PRKCSH: variants seen among roughly 807,000 people sequenced by gnomAD.
The protein encoded by PRKCSH is PRKCSH beta subunit of glucosidase II, also known as glucosidase 2 subunit beta.
PRKCSH carries 42 observed loss-of-function variants against 79.7 expected under a neutral mutation model. The ratio of observed to expected loss-of-function variants is 0.53; its 90% CI spans 0.41 to 0.68. The LOEUF (loss-of-function observed/expected upper bound fraction) is 0.68. Among genes scored for constraint, PRKCSH ranks in the 30% least tolerant of loss-of-function variants. The probability of loss-of-function intolerance (pLI) is 0.00; values close to 1 mark genes in which losing one functional copy is unlikely to be tolerated. For synonymous variants in PRKCSH, 325 were observed against 288.2 expected (o/e 1.13, Z -1.29); for missense variants, 686 against 709.0 (o/e 0.97, Z 0.37).
At position 11,448,684 on chromosome 19, in the gene PRKCSH, C is replaced by G. The variant is rs1467383093; in HGVS notation, c.1286+55C>G. 2 of 1,534,116 alleles carry G rather than the reference C, an allele frequency of 1.3e-6. No individual in the cohort carries two copies. The highest frequency in any genetic ancestry group is 1.8e-6 in the Non-Finnish European group (2 of 1,108,072). ...TGGCAGGGTGGGAGGCGGGTGGCCC[C>G]GGAAGTGGCACCGGCAGTTTCCTGA... On this transcript the variant is annotated intron_variant, in intron 14 of 17. Transcript: ENST00000677123. The surrounding 1 kb of genome is among the most constrained non-coding windows in gnomAD (Gnocchi z 4.4).
chr19:11,447,437 A>G lies in PRKCSH; in HGVS notation c.850-2A>G, dbSNP rs1970363281. ...ACACCGACCGCACTGCTCACCCGCC[A>G]GGCACTGCCCACCGACCTTCCAGCA... On this transcript the variant is annotated splice_acceptor_variant, in intron 10 of 17. Transcript: ENST00000677123. LOFTEE classifies it high-confidence loss of function. This position sits in a 1 kb window ranked among gnomAD's most constrained non-coding sequence, Gnocchi z 5.6. 6.2e-7 allele frequency: 1 copy of G among 1,613,858 alleles called. No individual in the cohort carries two copies.
In PRKCSH at chr19:11,448,301, G is replaced by T; in HGVS notation, c.1196+10G>T. ...TGGAGGAGTCCATCAGGTAGCGGGG[G>T]CTGAGGAGCGGGGACACCTGTCCCA... is the stretch of plus-strand genomic sequence containing the variant. On this transcript the variant is annotated intron_variant, in intron 13 of 17. Coordinates refer to ENST00000677123, the MANE Select transcript of PRKCSH (RefSeq NM_001289104.2). The surrounding 1 kb of genome is among the most constrained non-coding windows in gnomAD (Gnocchi z 4.4). 1 of 1,570,070 alleles carries T rather than the reference G, an allele frequency of 6.4e-7. No homozygotes were observed. The highest frequency in any genetic ancestry group is 1.2e-5 in the South Asian group (1 of 85,608).
chr19:11,442,651 A>G lies in PRKCSH; in HGVS notation c.598+136A>G. 3 of 1,382,312 alleles carry G rather than the reference A, an allele frequency of 2.2e-6. No homozygotes were observed. In the South Asian group the frequency reaches 3.8e-5, roughly 17 times the overall value. 85.6% of individuals were successfully genotyped at this position (1,382,312 alleles called of 1,614,324 possible). A position where few individuals can be genotyped will look rare whatever the true frequency, so the allele number is the denominator to read the frequency against. ...GCTGCCCATCGCCTTGTGTGCTTTG[A>G]GGTTCGCTTGGATTGTGGCATATGT... On this transcript the variant is annotated intron_variant, in intron 7 of 17. Coordinates refer to ENST00000677123, the MANE Select transcript of PRKCSH (RefSeq NM_001289104.2).
rs1970252664 is a variant in PRKCSH at position 11,445,485 on chromosome 19, C to T, written c.683+12C>T. ...GACATGGACGGGACGTGAGTGTCCC[C>T]TAGTTGGAGCTGCCCACCTTTCCGT... On this transcript the variant is annotated intron_variant, in intron 8 of 17. Coordinates refer to ENST00000677123, the MANE Select transcript of PRKCSH (RefSeq NM_001289104.2). 6.2e-7 allele frequency: 1 copy of T among 1,612,982 alleles called. No homozygotes were observed. The highest frequency in any genetic ancestry group is 1.1e-5 in the South Asian group (1 of 91,050).
Position 11,437,972 on chromosome 19 carries a change from G to GT in PRKCSH, c.292+2dup, listed in dbSNP as rs1166772003. 6.2e-7 allele frequency: 1 copy of GT among 1,613,962 alleles called. No homozygotes were observed. Among genetic ancestry groups the GT allele is most frequent in the African/African-American group, 1.3e-5 (1 of 74,920 alleles). On this transcript the variant is annotated splice_donor_variant, in intron 4 of 17. Coordinates refer to ENST00000677123, the MANE Select transcript of PRKCSH (RefSeq NM_001289104.2). LOFTEE classifies it high-confidence loss of function. ...AACCGGGTCAACGATGGTGTTTGTG[G>GT]TAAGTGAAGATGCACCAGGATTCTG...
chr19:11,448,149 C>T lies in PRKCSH; in HGVS notation c.1127-73C>T. The stretch of plus-strand genomic sequence containing the variant: ...ATGAGGGTATGGGAGCACACAGCCA[C>T]ATCCATGGAACCCCGTTCCCCATCC... On this transcript the variant is annotated intron_variant, in intron 12 of 17. Transcript: ENST00000677123. This position sits in a 1 kb window ranked among gnomAD's most constrained non-coding sequence, Gnocchi z 4.4. The T allele has an allele frequency of 6.9e-7, 1 of 1,449,692 alleles. No homozygotes were observed. The highest frequency in any genetic ancestry group is 9.5e-7 in the Non-Finnish European group (1 of 1,055,242). 89.8% of individuals were successfully genotyped at this position (1,449,692 alleles called of 1,614,324 possible).
Position 11,442,491 on chromosome 19 carries a change from G to T in PRKCSH, c.574G>T (p.Glu192Ter). 1.2e-6 allele frequency: 2 copies of T among 1,611,780 alleles called. No homozygotes were observed. The highest frequency in any genetic ancestry group is 2.2e-5 in the South Asian group (2 of 90,762). Residue 192 changes from glutamate to a stop codon, truncating the protein, a stop_gained, in exon 7 of 18, where the codon GAG becomes TAG. Coordinates refer to ENST00000677123, the MANE Select transcript of PRKCSH (RefSeq NM_001289104.2). LOFTEE classifies it high-confidence loss of function. The stretch of plus-strand genomic sequence containing the variant: ...TGAGAAGCCAGAGAGAGAGGCCAAA[G>T]AGCAGCACCAGAAGCTGTGGGAAGG... ...EAEKPEREAK[E>*]QHQKLWEEQL... is the part of the protein sequence containing the mutation.
At chr19:11,446,371 G>A (rs1326102762) in intron 9 of PRKCSH, 21 bp downstream of exon 9, 2 of 1,608,658 alleles carry the variant, frequency 1.2e-6, no homozygotes, top group African/African-American at 1.3e-5. Flanking sequence ...CTGCCCCTTG[G>A]TTGGGGACTT....
At position 11,441,232 on chromosome 19, in the gene PRKCSH, C is replaced by T; in HGVS notation, c.351-8C>T. 6.2e-7 allele frequency: 1 copy of T among 1,613,762 alleles called. No homozygotes were observed. Among genetic ancestry groups the T allele is most frequent in the Non-Finnish European group, 8.5e-7 (1 of 1,179,736 alleles). On this transcript the variant is annotated splice_region_variant and splice_polypyrimidine_tract_variant and intron_variant, in intron 5 of 17. Transcript: ENST00000677123. Reference sequence around the variant, plus strand: ...CACTGGTGGTGCCTGTGTGTCTCCGCACCGCAGAGAGAAGGGCCGTAAGGA... The same window carrying T: ...CACTGGTGGTGCCTGTGTGTCTCCGTACCGCAGAGAGAAGGGCCGTAAGGA...
intron 8 of PRKCSH, chr19:11,445,898 G>GC (rs1970273672): frequency 4.4e-6 from 2 of 451,638 alleles, no homozygotes; most frequent in African/African-American, 4.0e-5. Flanking sequence ...GTGCCAAGGA[G>GC]CAGGGGGCTT....
At chr19:11,442,996 G>A (rs1006082227) in intron 7 of PRKCSH, among the ~76,000 whole-genome samples, 2 of 151,606 alleles carry the variant, frequency 1.3e-5, no homozygotes, top group South Asian at 4.2e-4. Context: ...GAGCCACCTC[G>A]CCCGGCCGCC....
intron 9 of PRKCSH, among the ~76,000 whole-genome samples, chr19:11,446,742 C>T (rs1970323221): frequency 6.6e-6 from 1 of 152,094 alleles, no homozygotes; most frequent in African/African-American, 2.4e-5. Flanking sequence ...CCCTCTCCAT[C>T]TGCAGCCTGG....
chr19:11,439,402 C>T (rs1363778751), intron 5 of PRKCSH, among the ~76,000 whole-genome samples: 2 of 147,920 alleles, frequency 1.4e-5, no homozygotes, highest in East Asian at 2.0e-4. Flanking sequence ...GATACCCTAT[C>T]TCTATAAAAA....
chr19:11,435,931 G>T, intron 1 of PRKCSH, 110 bp from the exon 2 acceptor site: 1 of 940,554 alleles, frequency 1.1e-6, no homozygotes, highest in Non-Finnish European at 1.6e-6. Context: ...GCTGCCCCTC[G>T]CCCCCATATC....
In PRKCSH at chr19:11,449,722, A is replaced by G. The variant is rs1377896211; in HGVS notation, c.*16+294A>G. 1 of 418,502 alleles carries G rather than the reference A, an allele frequency of 2.4e-6. No individual in the cohort carries two copies. The highest frequency in any genetic ancestry group is 4.5e-6 in the Non-Finnish European group (1 of 223,166). 25.9% of individuals were successfully genotyped at this position (418,502 alleles called of 1,614,324 possible). A position where few individuals can be genotyped will look rare whatever the true frequency, so the allele number is the denominator to read the frequency against. The stretch of plus-strand genomic sequence containing the variant: ...CATGCCTGGCTAATTTTTAGTAGAG[A>G]TGGGGTTTCACCATGTTGGCCTGGA... On this transcript the variant is annotated intron_variant, in intron 17 of 17. Transcript: ENST00000677123. The surrounding 1 kb of genome is among the most constrained non-coding windows in gnomAD (Gnocchi z 6.4).
chr19:11,445,218 G>T (rs1380218936), intron 7 of PRKCSH, among the ~76,000 whole-genome samples, 171 bp from the exon 8 acceptor site: 3 of 152,156 alleles, frequency 2.0e-5, no homozygotes, highest in Non-Finnish European at 4.4e-5. Context: ...CTCTTCGTCT[G>T]TTCTCCCCTG....
chr19:11,446,972 G>A, intron 9 of PRKCSH, 102 bp from the exon 10 acceptor site: 3 of 1,285,912 alleles, frequency 2.3e-6, no homozygotes, highest in East Asian at 2.3e-5. Flanking sequence ...AGGGCCCGGG[G>A]CCCAGCCCTC....
At chr19:11,443,230 T>A (rs1168289920) in intron 7 of PRKCSH, among the ~76,000 whole-genome samples, 1 of 150,328 alleles carries the variant, frequency 6.7e-6, no homozygotes, top group Non-Finnish European at 1.5e-5. Flanking sequence ...CTGGCCAACA[T>A]GGTGAAACGC....
rs1311517073 is a variant in PRKCSH at position 11,449,009 on chromosome 19, C to T, written c.1361+21C>T. 3 of 1,613,338 alleles carry T rather than the reference C, an allele frequency of 1.9e-6. No homozygotes were observed. Among genetic ancestry groups the T allele is most frequent in the Admixed American group, 1.7e-5 (1 of 60,028 alleles). Reference sequence around the variant, plus strand: ...CTTGGGTGAGTGGCTTGGGCTGGCCCCTTCCCTCTGCCTCCTCCTGGTGCC... The same window carrying T: ...CTTGGGTGAGTGGCTTGGGCTGGCCTCTTCCCTCTGCCTCCTCCTGGTGCC... On this transcript the variant is annotated intron_variant, in intron 15 of 17. Transcript: ENST00000677123. This position sits in a 1 kb window ranked among gnomAD's most constrained non-coding sequence, Gnocchi z 6.4.
Sources: allele counts gnomAD v4.1 joint callset (sites outside exome capture counted in the v4.1 genomes callset), GRCh38; gene constraint gnomAD v4.1.1; non-coding constraint Gnocchi (gnomAD v3.1); transcripts MANE v1.5; gene names NCBI Gene and HGNC (gene_info 2026-07-23, HGNC 2026-07-21).